The following C8A variants were observed in gnomAD, a reference collection of about 807,000 sequenced individuals.
The protein encoded by C8A is complement C8 alpha chain.
A neutral mutation model predicts 65.3 loss-of-function variants in C8A; 67 were observed. That is an observed-to-expected ratio of 1.03 (90% CI 0.84 to 1.26). The LOEUF is 1.26. C8A is among the 50% of genes most tolerant of loss of function. C8A has a pLI of 0.00. For missense variants in C8A, 781 were observed against 723.9 expected, an observed-to-expected ratio of 1.08 and a Z score of -0.90; for synonymous variants, 290 against 259.4, an observed-to-expected ratio of 1.12 and a Z score of -1.13.
chr1:56,882,991 C>G (rs1323315347), intron 5 of C8A, among the ~76,000 whole-genome samples: 1 of 152,158 alleles, frequency 6.6e-6, no homozygotes, highest in East Asian at 1.9e-4. Context: ...AGGCCAAGAC[C>G]ATGTCTCAGT....
In C8A at chr1:56,857,926, TA is replaced by T. The variant is rs542640628; in HGVS notation, c.77+2949del. On this transcript the variant is annotated intron_variant, in intron 1 of 10. Coordinates refer to ENST00000361249, the MANE Select transcript of C8A (RefSeq NM_000562.3). ...CCCACAGGTCAGTGATGCTCTTTCTTATTTTGTTGTTGGCAGTTTATTTTCT... is the reference window on the plus strand; with the variant it reads ...CCCACAGGTCAGTGATGCTCTTTCTTTTTTGTTGTTGGCAGTTTATTTTCT... Among the ~76,000 whole-genome samples, 6 of 152,230 alleles carry T rather than the reference TA, an allele frequency of 3.9e-5. No individual in the cohort carries two copies. In the South Asian group the frequency reaches 1.2e-3, roughly 32 times the overall value.
chr1:56,877,449 G>A (rs1557702033), intron 4 of C8A, among the ~76,000 whole-genome samples: 1 of 152,150 alleles, frequency 6.6e-6, no homozygotes, highest in Non-Finnish European at 1.5e-5. Context: ...CTGTCGAGGT[G>A]TCTATCTGCC....
chr1:56,876,204 C>A lies in C8A; in HGVS notation c.459C>A (p.Ala153=). ...CAATTCCAGGATCACAGAAGGCAGC[C>A]TTGGGGTGAGGCCCTGCCTACTAGC... is the stretch of plus-strand genomic sequence containing the variant. The part of the protein sequence containing the change: ...YEPIPGSQKA[A]LGYNILTQED... Residue 153 remains alanine, a synonymous_variant, in exon 4 of 11, where the codon GCC becomes GCA. Coordinates refer to ENST00000361249, the MANE Select transcript of C8A (RefSeq NM_000562.3). 6.2e-7 allele frequency: 1 copy of A among 1,613,806 alleles called. No individual in the cohort carries two copies.
chr1:56,912,621 A>G lies in C8A; in HGVS notation c.1599A>G (p.Thr533=). ...GTGCTGCCTGTGAGCAAACACAGACAGAAGGTAAGGTCCGTGCATCCCCAC... is the reference window on the plus strand; with the variant it reads ...GTGCTGCCTGTGAGCAAACACAGACGGAAGGTAAGGTCCGTGCATCCCCAC... ...SLGAACEQTQ[T]EGAKADGSWS... Residue 533 remains threonine (T), a synonymous_variant, in exon 10 of 11, where the codon ACA becomes ACG. Coordinates refer to ENST00000361249, the MANE Select transcript of C8A (RefSeq NM_000562.3). The G allele has an allele frequency of 6.2e-7, 1 of 1,614,022 alleles. No homozygotes were observed. The highest frequency in any genetic ancestry group is 8.5e-7 in the Non-Finnish European group (1 of 1,179,936).
chr1:56,877,654 G>A (rs1238359372), intron 4 of C8A, among the ~76,000 whole-genome samples: 1 of 152,166 alleles, frequency 6.6e-6, no homozygotes, highest in Non-Finnish European at 1.5e-5. Flanking sequence ...CTGTGTCAGA[G>A]CTTGTCCTAT....
intron 2 of C8A, among the ~76,000 whole-genome samples, chr1:56,873,974 A>AT: frequency 6.6e-6 from 1 of 152,240 alleles, no homozygotes; most frequent in East Asian, 1.9e-4. Context: ...AAGTCCCAAG[A>AT]TTGGCGTGCA....
chr1:56,862,265 T>C (rs923686154), intron 1 of C8A, among the ~76,000 whole-genome samples: 7 of 152,208 alleles, frequency 4.6e-5, no homozygotes, highest in African/African-American at 1.7e-4. Flanking sequence ...GTTCAATAAG[T>C]AGCAGAAATC....
intron 1 of C8A, among the ~76,000 whole-genome samples, chr1:56,866,250 C>T (rs1644087358): frequency 6.6e-6 from 1 of 152,158 alleles, no homozygotes; most frequent in South Asian, 2.1e-4. Context: ...CTAAACCAGA[C>T]ATTAAAGGGA....
chr1:56,884,067 TAA>T lies in C8A; in HGVS notation c.855+404_855+405del, dbSNP rs61268937. Among the ~76,000 whole-genome samples the T allele has an allele frequency of 8.0e-3, 1,008 of 126,182 alleles. 4 individuals are homozygous for T. Among genetic ancestry groups the T allele is most frequent in the East Asian group, 0.066 (286 of 4,322 alleles). 82.8% of individuals were successfully genotyped at this position (126,182 alleles called of 152,430 possible). ...CAAAAAGATAGAAGGACTGGTATGC[TAA>T]AAAAAAAAAAAAAAAAATTTCATTT... On this transcript the variant is annotated intron_variant, in intron 6 of 10. Coordinates refer to ENST00000361249, the MANE Select transcript of C8A (RefSeq NM_000562.3).
intron 1 of C8A, among the ~76,000 whole-genome samples, chr1:56,855,277 A>G (rs1375554355): frequency 1.3e-5 from 2 of 152,204 alleles, no homozygotes; most frequent in Non-Finnish European, 2.9e-5. Context: ...TACCTCTTCT[A>G]TAAGAGTTAA....
intron 1 of C8A, among the ~76,000 whole-genome samples, chr1:56,861,900 G>T (rs981464894): frequency 6.6e-6 from 1 of 152,172 alleles, no homozygotes; most frequent in African/African-American, 2.4e-5. Context: ...AGGATTGGTA[G>T]CTAATTAATT....
chr1:56,887,451 C>T (rs1448576311), intron 7 of C8A, among the ~76,000 whole-genome samples: 1 of 152,112 alleles, frequency 6.6e-6, no homozygotes. Context: ...TCTCTAATGA[C>T]CAGTGATGAT....
intron 7 of C8A, among the ~76,000 whole-genome samples, chr1:56,888,031 A>G (rs1383223810): frequency 2.0e-5 from 3 of 152,202 alleles, no homozygotes; most frequent in Non-Finnish European, 4.4e-5. Context: ...TACCTAATGT[A>G]GATGACGGGT....
At chr1:56,890,529 A>G (rs1030264325) in intron 7 of C8A, among the ~76,000 whole-genome samples, 2 of 152,216 alleles carry the variant, frequency 1.3e-5, no homozygotes, top group African/African-American at 2.4e-5. Context: ...CTTCTAAAGC[A>G]TATGCATCAC....
At chr1:56,899,675 T>C (rs1324875563) in intron 7 of C8A, among the ~76,000 whole-genome samples, 1 of 152,156 alleles carries the variant, frequency 6.6e-6, no homozygotes, top group East Asian at 1.9e-4. Flanking sequence ...TCCCTCTTTT[T>C]CTAACTTTTC....
intron 7 of C8A, among the ~76,000 whole-genome samples, chr1:56,905,284 C>T (rs889664931): frequency 2.0e-5 from 3 of 152,116 alleles, no homozygotes; most frequent in African/African-American, 7.2e-5. Flanking sequence ...AGATGACAAC[C>T]TCTTCTTTCC....
intron 7 of C8A, among the ~76,000 whole-genome samples, chr1:56,902,676 C>A (rs1206191054): frequency 6.6e-6 from 1 of 152,092 alleles, no homozygotes; most frequent in African/African-American, 2.4e-5. Context: ...CTGGCAACAA[C>A]CATGATACCC....
At chr1:56,876,777 T>C (rs977527537) in intron 4 of C8A, among the ~76,000 whole-genome samples, 2 of 151,942 alleles carry the variant, frequency 1.3e-5, no homozygotes, top group African/African-American at 4.8e-5. Context: ...TTCATTCACC[T>C]TATGTTCAGG....
intron 1 of C8A, among the ~76,000 whole-genome samples, chr1:56,864,602 A>G (rs1387420149): frequency 6.6e-6 from 1 of 152,112 alleles, no homozygotes; most frequent in Non-Finnish European, 1.5e-5. Context: ...AAGAGAAGAT[A>G]ATTACAGATA....
Sources: gnomAD v4.1 joint callset for allele counts (sites outside exome capture counted in the v4.1 genomes callset) on GRCh38, gnomAD v4.1.1 for gene constraint, MANE v1.5 for transcripts, NCBI Gene and HGNC (gene_info 2026-07-23, HGNC 2026-07-21) for gene names.